Variants in BTAF1 observed in about 807,000 individuals in gnomAD.
BTAF1 encodes the protein B-TFIID TATA-box binding protein associated factor 1.
BTAF1 carries 38 observed loss-of-function variants against 227.1 expected under a neutral mutation model. The ratio of observed to expected loss-of-function variants is 0.17; its 90% CI spans 0.13 to 0.22. BTAF1 has a LOEUF of 0.22. BTAF1 is among the 10% of genes least tolerant of loss of function. BTAF1 has a pLI of 1.00. For missense variants in BTAF1, 1,598 were observed against 2,204.0 expected (o/e 0.73, Z 5.51); for synonymous variants, 742 against 751.9 (o/e 0.99, Z 0.21).
At chr10:92,020,637 T>G (rs1260409819) in intron 34 of BTAF1, among the ~76,000 whole-genome samples, 1 of 152,216 alleles carries the variant, frequency 6.6e-6, no homozygotes, top group Non-Finnish European at 1.5e-5. Context: ...GACTATGAAC[T>G]TTCACACTGT....
At chr10:92,005,660 AC>A (rs1379925586) in intron 25 of BTAF1, among the ~76,000 whole-genome samples, 3 of 152,230 alleles carry the variant, frequency 2.0e-5, no homozygotes, top group African/African-American at 4.8e-5. Flanking sequence ...AATTGAAGAC[AC>A]CAAAGAGCTG....
intron 6 of BTAF1, 78 bp from the exon 7 acceptor site, chr10:91,956,450 T>C: frequency 7.1e-7 from 1 of 1,404,222 alleles, no homozygotes. Context: ...GTGATTCACA[T>C]TATCTTTTAT....
At chr10:91,953,571 A>G (rs563093270) in intron 5 of BTAF1, among the ~76,000 whole-genome samples, 166 bp from the exon 6 acceptor site, 1 of 152,372 alleles carries the variant, frequency 6.6e-6, no homozygotes, top group Admixed American at 6.5e-5. Context: ...GAAAAGACTG[A>G]AATTATGGTA....
intron 4 of BTAF1, among the ~76,000 whole-genome samples, chr10:91,946,634 T>G (rs778915587): frequency 3.5e-4 from 53 of 152,216 alleles, no homozygotes; most frequent in Non-Finnish European, 6.8e-4. Context: ...GTGATTTTGA[T>G]TTGCATTTCC....
At chr10:91,982,304 C>G (rs1183125199) in intron 17 of BTAF1, 79 bp downstream of exon 17, 1 of 1,567,984 alleles carries the variant, frequency 6.4e-7, no homozygotes. Flanking sequence ...CAGAAGATTC[C>G]TCTGCTGTCT....
intron 34 of BTAF1, among the ~76,000 whole-genome samples, chr10:92,022,162 A>G (rs1197637900): frequency 6.6e-6 from 1 of 152,206 alleles, no homozygotes; most frequent in African/African-American, 2.4e-5. Flanking sequence ...CCAGACAGAG[A>G]TACTTACGTC....
chr10:92,007,844 A>G (rs1029689178), intron 25 of BTAF1, among the ~76,000 whole-genome samples: 7 of 152,260 alleles, frequency 4.6e-5, no homozygotes, highest in Admixed American at 3.3e-4. Flanking sequence ...ATTTAATTCA[A>G]AATTAAACTA....
intron 21 of BTAF1, among the ~76,000 whole-genome samples, chr10:91,993,334 C>T (rs909038870): frequency 1.3e-5 from 2 of 152,084 alleles, no homozygotes; most frequent in African/African-American, 4.8e-5. Context: ...TAAATAAGGA[C>T]ACATCACTTC....
At chr10:91,969,965 A>C (rs977638579) in intron 14 of BTAF1, among the ~76,000 whole-genome samples, 1 of 151,324 alleles carries the variant, frequency 6.6e-6, no homozygotes, top group African/African-American at 2.4e-5. Flanking sequence ...TGTCTCAGAA[A>C]AAAAAAAAAA....
chr10:91,984,425 C>G (rs773590532), intron 19 of BTAF1, 21 bp downstream of exon 19: 1 of 1,565,670 alleles, frequency 6.4e-7, no homozygotes, highest in South Asian at 1.2e-5. Context: ...AAATAACTTT[C>G]TTAATTAGAG....
intron 14 of BTAF1, among the ~76,000 whole-genome samples, chr10:91,977,172 T>G (rs1847757068): frequency 6.6e-6 from 1 of 152,254 alleles, no homozygotes; most frequent in East Asian, 1.9e-4. Flanking sequence ...GGGGTATAGA[T>G]AGTTAGAAGT....
chr10:91,982,731 G>A lies in BTAF1; in HGVS notation c.2193G>A (p.Leu731=). The change falls in exon 18 of 38, where the codon TTG becomes TTA. Residue 731 remains leucine (L), a synonymous_variant. Coordinates refer to ENST00000265990, the MANE Select transcript of BTAF1 (RefSeq NM_003972.3). The part of the protein sequence containing the change: ...KSALQRISVA[L]VICEWAALQK... ...CTTTACAGAGGATTAGTGTAGCTTT[G>A]GTAATCTGTGAATGGGCTGCTTTAC... 4 of 1,611,874 alleles carry A rather than the reference G, an allele frequency of 2.5e-6. No homozygotes were observed. Among genetic ancestry groups the A allele is most frequent in the Non-Finnish European group, 3.4e-6 (4 of 1,178,926 alleles).
chr10:91,964,979 T>A (rs1328260886), intron 13 of BTAF1, among the ~76,000 whole-genome samples: 1 of 152,202 alleles, frequency 6.6e-6, no homozygotes, highest in African/African-American at 2.4e-5. Context: ...AATGCTTATA[T>A]GTGGTTTCTG....
At chr10:91,955,463 T>C (rs959748841) in intron 6 of BTAF1, among the ~76,000 whole-genome samples, 1 of 152,028 alleles carries the variant, frequency 6.6e-6, no homozygotes, top group African/African-American at 2.4e-5. Context: ...ATATATAAAA[T>C]ACAGATAATG....
chr10:91,929,463 A>T (rs932275766), intron 1 of BTAF1, among the ~76,000 whole-genome samples: 1 of 152,210 alleles, frequency 6.6e-6, no homozygotes, highest in African/African-American at 2.4e-5. Context: ...ACAAAAACAC[A>T]TCCTCTTGTG....
chr10:92,013,672 C>T lies in BTAF1; in HGVS notation c.4317C>T (p.Asn1439=), dbSNP rs756190663. 2.4e-5 allele frequency: 38 copies of T among 1,613,886 alleles called. No individual in the cohort carries two copies. The highest frequency in any genetic ancestry group is 2.0e-4 in the South Asian group (18 of 91,082). Residue 1439 remains asparagine, a synonymous_variant, in exon 31 of 38, where the codon AAC becomes AAT. Transcript: ENST00000265990. ...IILSGTPIQN[N]VLELWSLFDF... is the part of the protein sequence containing the mutation. ...ATTGGTGTTCCTGTTTACAGAACAA[C>T]GTTTTGGAGCTGTGGTCATTATTTG...
At chr10:92,002,689 T>C (rs1849628732) in intron 25 of BTAF1, among the ~76,000 whole-genome samples, 1 of 152,178 alleles carries the variant, frequency 6.6e-6, no homozygotes, top group African/African-American at 2.4e-5. Flanking sequence ...AGACTCAATC[T>C]ACATACCTCA....
intron 34 of BTAF1, among the ~76,000 whole-genome samples, chr10:92,020,872 AT>A (rs138847946): frequency 1.1e-4 from 17 of 150,280 alleles, no homozygotes; most frequent in Non-Finnish European, 1.5e-4. Flanking sequence ...GTTCTTACAG[AT>A]TTTTTTTTTC....
chr10:91,949,395 T>C (rs1845598950), intron 4 of BTAF1, among the ~76,000 whole-genome samples: 1 of 152,230 alleles, frequency 6.6e-6, no homozygotes, highest in African/African-American at 2.4e-5. Flanking sequence ...TAATTATCTT[T>C]CTTTTAAAAA....
Sources: allele counts gnomAD v4.1 joint callset (sites outside exome capture counted in the v4.1 genomes callset), GRCh38; gene constraint gnomAD v4.1.1; transcripts MANE v1.5; gene names NCBI Gene and HGNC (gene_info 2026-07-23, HGNC 2026-07-21).